Variants in PM20D2 observed in about 807,000 individuals in gnomAD.
PM20D2 encodes peptidase M20 domain containing 2.
PM20D2 carries 33 observed loss-of-function variants against 42.9 expected under a neutral mutation model. The observed-to-expected ratio is 0.77, with a 90% CI of 0.58 to 1.03. The LOEUF (loss-of-function observed/expected upper bound fraction) is 1.03. Ranked by LOEUF, PM20D2 falls within the 50% of genes least tolerant of loss-of-function variation. The pLI, the probability that PM20D2 is intolerant of heterozygous loss-of-function variation, is 0.00. For missense variants in PM20D2, 548 were observed against 557.0 expected (o/e 0.98, Z 0.16); for synonymous variants, 250 against 228.2 (o/e 1.10, Z -0.86).
intron 3 of PM20D2, 119 bp downstream of exon 3, chr6:89,153,304 C>A: frequency 1.3e-6 from 1 of 769,978 alleles, no homozygotes; most frequent in Non-Finnish European, 1.8e-6. Context: ...TATGAATATT[C>A]TGATTTTTAA....
At chr6:89,138,868 AAAAT>A in the PM20D2 span, among the ~76,000 whole-genome samples, 15 of 152,236 alleles carry the variant, frequency 9.9e-5, no homozygotes, top group African/African-American at 1.7e-4. Flanking sequence ...CTGTCTTAGA[AAAAT>A]AAATAAATAA....
At chr6:89,113,077 T>G in the PM20D2 span, among the ~76,000 whole-genome samples, 1 of 152,240 alleles carries the variant, frequency 6.6e-6, no homozygotes, top group Non-Finnish European at 1.5e-5. Context: ...CCAAATGGAT[T>G]TGTCAGAACC....
chr6:89,146,598 C>A lies in PM20D2; in HGVS notation c.454C>A (p.Pro152Thr). ...GALEGLPRPPPPVKVVVLGTP... is the reference protein window; with the variant it reads ...GALEGLPRPPTPVKVVVLGTP... ...CTTAGAGGGCCTCCCCAGGCCGCCT[C>A]CGCCCGTGAAGGTGAGGTGGGGCCC... Residue 152 changes from proline to threonine, a missense_variant, in exon 1 of 7, where the codon CCG becomes ACG. Physicochemically the swap from Pro to Thr is conservative, Grantham distance 38. Around this residue, in one of 3 missense-constraint regions of PM20D2, gnomAD observed 470 missense variants for 464.4 expected, o/e 1.01. Coordinates refer to ENST00000275072, the MANE Select transcript of PM20D2 (RefSeq NM_001010853.3). 6.9e-7 allele frequency: 1 copy of A among 1,448,250 alleles called. No homozygotes were observed. The highest frequency in any genetic ancestry group is 1.4e-5 in the South Asian group (1 of 73,408). 89.7% of individuals were successfully genotyped at this position (1,448,250 alleles called of 1,614,324 possible). A position where few individuals can be genotyped will look rare whatever the true frequency, so the allele number is the denominator to read the frequency against.
chr6:89,130,187 G>A, the PM20D2 span, among the ~76,000 whole-genome samples: 230 of 151,998 alleles, frequency 1.5e-3, 1 homozygote, highest in African/African-American at 5.2e-3. Context: ...AGGCTGAAAC[G>A]GTCCTCATAC....
chr6:89,136,569 T>C, the PM20D2 span, among the ~76,000 whole-genome samples: 1 of 150,464 alleles, frequency 6.6e-6, no homozygotes, highest in African/African-American at 2.5e-5. Context: ...TCCCAGCTAC[T>C]CGGGAGGCTG....
chr6:89,114,944 G>C, the PM20D2 span, among the ~76,000 whole-genome samples: 1 of 151,334 alleles, frequency 6.6e-6, no homozygotes, highest in African/African-American at 2.4e-5. Context: ...TCACAGGCAC[G>C]CACCACCATG....
the PM20D2 span, among the ~76,000 whole-genome samples, chr6:89,134,688 A>G: frequency 3.3e-5 from 5 of 151,252 alleles, no homozygotes; most frequent in Non-Finnish European, 7.3e-5. Flanking sequence ...CAACTATATA[A>G]GAACACAACA....
chr6:89,146,292 G>C lies in PM20D2; in HGVS notation c.148G>C (p.Glu50Gln). The C allele has an allele frequency of 1.3e-6, 2 of 1,581,578 alleles. No individual in the cohort carries two copies. The highest frequency in any genetic ancestry group is 1.7e-6 in the Non-Finnish European group (2 of 1,172,170). ...GAGCCGCGCGATCTGGAGCCAGCCC[G>C]AGCTGGCCTACGAGGAGCACCATGC... ...ALSRAIWSQPELAYEEHHAHR... is the reference protein window; with the variant it reads ...ALSRAIWSQPQLAYEEHHAHR... The change falls in exon 1 of 7, where the codon GAG (glutamate) becomes CAG (glutamine). Residue 50 changes from glutamate (E) to glutamine (Q), a missense_variant. Physicochemically the swap from Glu to Gln is conservative, Grantham distance 29. Around this residue, in one of 3 missense-constraint regions of PM20D2, gnomAD observed 470 missense variants for 464.4 expected, o/e 1.01. Coordinates refer to ENST00000275072, the MANE Select transcript of PM20D2 (RefSeq NM_001010853.3).
rs1209611552 is a variant in PM20D2, at chr6:89,163,314, T to C, written c.*1051T>C. ...GATATACTTACTACTTTGCTTCAGGTACACATAAGAAAACCTCTTTTTTAA... is the reference window on the plus strand; with the variant it reads ...GATATACTTACTACTTTGCTTCAGGCACACATAAGAAAACCTCTTTTTTAA... On this transcript the variant is annotated 3_prime_UTR_variant, in exon 7 of 7. Coordinates refer to ENST00000275072, the MANE Select transcript of PM20D2 (RefSeq NM_001010853.3). 1 of 152,182 alleles carries C rather than the reference T, an allele frequency of 6.6e-6. No homozygotes were observed. Among genetic ancestry groups the C allele is most frequent in the Admixed American group, 6.5e-5 (1 of 15,276 alleles). The allele number at this position is 152,182 out of a possible 1,614,324, so 9.4% of individuals were successfully genotyped here.
At chr6:89,104,532 G>A in the PM20D2 span, among the ~76,000 whole-genome samples, 45 of 152,090 alleles carry the variant, frequency 3.0e-4, no homozygotes, top group South Asian at 6.0e-3. Context: ...CACTGCACGC[G>A]GCTGAGTATG....
Position 89,162,303 on chromosome 6 carries a change from AT to A in PM20D2, c.*47del. 6.4e-6 allele frequency: 10 copies of A among 1,554,880 alleles called. No homozygotes were observed. The highest frequency in any genetic ancestry group is 8.7e-6 in the Non-Finnish European group (10 of 1,149,814). On this transcript the variant is annotated 3_prime_UTR_variant, in exon 7 of 7. Transcript: ENST00000275072. ...ACTTATAAATCAAGAAGACGTGATG[AT>A]TTTTTTCTTTTAATCTCTTTTAATG...
chr6:89,149,540 A>G, intron 2 of PM20D2, 127 bp downstream of exon 2: 1 of 1,196,438 alleles, frequency 8.4e-7, no homozygotes, highest in Non-Finnish European at 1.2e-6. Flanking sequence ...CAATAACAAG[A>G]TGTCTTGATC....
intron 1 of PM20D2, among the ~76,000 whole-genome samples, chr6:89,148,071 C>T (rs1377843433): frequency 6.7e-6 from 1 of 149,966 alleles, no homozygotes; most frequent in Non-Finnish European, 1.5e-5. Flanking sequence ...ACCTCCGCCT[C>T]CCGGGTTCAG....
At chr6:89,141,026 C>T in the PM20D2 span, among the ~76,000 whole-genome samples, 5 of 152,066 alleles carry the variant, frequency 3.3e-5, no homozygotes, top group Non-Finnish European at 5.9e-5. Context: ...TGGTTTAATT[C>T]CCCTCTGGGT....
chr6:89,146,847 C>G (rs970100835), intron 1 of PM20D2, among the ~76,000 whole-genome samples: 1 of 152,246 alleles, frequency 6.6e-6, no homozygotes, highest in African/African-American at 2.4e-5. Flanking sequence ...GTTTCCTCCT[C>G]TCTAGTTATA....
chr6:89,108,943 T>C, the PM20D2 span, among the ~76,000 whole-genome samples: 1 of 152,236 alleles, frequency 6.6e-6, no homozygotes, highest in East Asian at 1.9e-4. Flanking sequence ...CTTTATTTCA[T>C]TTAACACTCA....
At chr6:89,123,463 G>A in the PM20D2 span, among the ~76,000 whole-genome samples, 123 of 152,166 alleles carry the variant, frequency 8.1e-4, no homozygotes, top group African/African-American at 2.8e-3. Flanking sequence ...GCTCATGCCT[G>A]TAATCTCAGT....
At chr6:89,100,515 G>A in the PM20D2 span, among the ~76,000 whole-genome samples, 19 of 80,608 alleles carry the variant, frequency 2.4e-4, no homozygotes, top group Non-Finnish European at 2.6e-4. Flanking sequence ...ATGTCCACAT[G>A]TTATGTTAAA....
In PM20D2 at chr6:89,146,358, G is replaced by A. The variant is rs764703370; in HGVS notation, c.214G>A (p.Ala72Thr). The change falls in exon 1 of 7, where the codon GCG becomes ACG. Residue 72 changes from alanine (A) to threonine (T), a missense_variant. Coordinates refer to ENST00000275072, the MANE Select transcript of PM20D2 (RefSeq NM_001010853.3). ...LTHFFEREPP[A>T]ASWAVQPHYQ... is the part of the protein sequence containing the mutation. ...GCACTTCTTCGAGCGGGAGCCGCCC[G>A]CGGCCTCCTGGGCAGTGCAGCCGCA... is the stretch of plus-strand genomic sequence containing the variant. The A allele has an allele frequency of 3.9e-6, 6 of 1,551,182 alleles. No individual in the cohort carries two copies. The highest frequency in any genetic ancestry group is 5.2e-6 in the Non-Finnish European group (6 of 1,156,490).
Sources: allele counts gnomAD v4.1 joint callset (sites outside exome capture counted in the v4.1 genomes callset), GRCh38; gene constraint gnomAD v4.1.1; regional missense constraint gnomAD v4.1.1; transcripts MANE v1.5; gene names NCBI Gene and HGNC (gene_info 2026-07-23, HGNC 2026-07-21).